The following CDC42BPG variants were observed in gnomAD, a reference collection of about 807,000 sequenced individuals.
The protein encoded by CDC42BPG is CDC42 binding protein kinase gamma.
Under a neutral mutation model 192.2 loss-of-function variants are expected in CDC42BPG, and 157 were observed. The ratio of observed to expected loss-of-function variants is 0.82; its 90% CI spans 0.72 to 0.93. The LOEUF (loss-of-function observed/expected upper bound fraction) is 0.93, where lower values mean the gene tolerates loss of function less well. Ranked by LOEUF, CDC42BPG falls within the 40% of genes least tolerant of loss-of-function variation. The pLI is 0.00. For synonymous variants in CDC42BPG, 981 were observed against 918.5 expected, an observed-to-expected ratio of 1.07 and a Z score of -1.23; for missense variants, 1,992 against 2,122.1, an observed-to-expected ratio of 0.94 and a Z score of 1.20.
chr11:64,838,459 C>T (rs180741075), intron 8 of CDC42BPG, among the ~76,000 whole-genome samples, 195 bp downstream of exon 8: 3 of 152,314 alleles, frequency 2.0e-5, no homozygotes, highest in Admixed American at 1.3e-4. Context: ...GATGCTCCCC[C>T]ACCCCAGTTT....
chr11:64,839,693 T>A, intron 5 of CDC42BPG, 122 bp from the exon 6 acceptor site: 1 of 748,378 alleles, frequency 1.3e-6, no homozygotes, highest in East Asian at 2.7e-5. Context: ...TTCCTGTGTG[T>A]AGGTGCTCAT....
rs773942573 is a variant in CDC42BPG, at chr11:64,832,639, C to T, written c.2970G>A (p.Pro990=). ...LFDAPDLRLS[P]PSGALLQVLD... ...GGACCTGCAGGAGGGCCCCACTGGGCGGGCTGAGCCTCAGGTCAGGGGCGT... is the reference window on the plus strand; with the variant it reads ...GGACCTGCAGGAGGGCCCCACTGGGTGGGCTGAGCCTCAGGTCAGGGGCGT... Residue 990 remains proline, a synonymous_variant, in exon 26 of 37, where the codon CCG becomes CCA. Coordinates refer to ENST00000342711, the MANE Select transcript of CDC42BPG (RefSeq NM_017525.3). 2.5e-5 allele frequency: 40 copies of T among 1,613,654 alleles called. No individual in the cohort carries two copies. Among genetic ancestry groups the T allele is most frequent in the African/African-American group, 4.0e-5 (3 of 74,896 alleles).
At chr11:64,824,620 C>CCAT in intron 36 of CDC42BPG, 91 bp from the exon 37 acceptor site, 1 of 799,130 alleles carries the variant, frequency 1.3e-6, no homozygotes, top group Non-Finnish European at 2.1e-6. Flanking sequence ...CCCTTAGGAC[C>CCAT]CATCACCCAC....
At chr11:64,828,531 T>C (rs1490368671) in intron 30 of CDC42BPG, among the ~76,000 whole-genome samples, 1 of 152,170 alleles carries the variant, frequency 6.6e-6, no homozygotes, top group Non-Finnish European at 1.5e-5. Flanking sequence ...ACGAAGGCAA[T>C]GGTGACCACA....
intron 20 of CDC42BPG, 38 bp from the exon 21 acceptor site, chr11:64,834,015 G>C: frequency 6.2e-7 from 1 of 1,613,770 alleles, no homozygotes; most frequent in Non-Finnish European, 8.5e-7. Context: ...TGGGGTCCCT[G>C]GCCTGAGGAA....
intron 12 of CDC42BPG, 36 bp downstream of exon 12, chr11:64,836,391 C>T: frequency 8.3e-7 from 1 of 1,206,282 alleles, no homozygotes; most frequent in Non-Finnish European, 1.2e-6. Context: ...CCTCACCCAC[C>T]TCACCCAGCC....
chr11:64,827,821 TC>T (rs1458192329), intron 30 of CDC42BPG, 38 bp from the exon 31 acceptor site: 2 of 1,538,426 alleles, frequency 1.3e-6, no homozygotes, highest in African/African-American at 2.7e-5. Flanking sequence ...TGTTTCCCCC[TC>T]TGTTCCACAG....
intron 9 of CDC42BPG, 37 bp downstream of exon 9, chr11:64,838,046 C>A (rs757732901): frequency 2.6e-6 from 4 of 1,536,336 alleles, no homozygotes; most frequent in Non-Finnish European, 3.5e-6. Context: ...TCAGGCAACC[C>A]CGAGCCTCCC....
chr11:64,837,021 T>C lies in CDC42BPG; in HGVS notation c.1206-2A>G. 1 of 1,611,728 alleles carries C rather than the reference T, an allele frequency of 6.2e-7. No homozygotes were observed. Among genetic ancestry groups the C allele is most frequent in the Non-Finnish European group, 8.5e-7 (1 of 1,178,308 alleles). ...TCAGAGCTGCTCTCAGGACTGTGAC[T>C]GTAGGGGGACAGGGGCCATGTTTGT... On this transcript the variant is annotated splice_acceptor_variant, in intron 9 of 36. Coordinates refer to ENST00000342711, the MANE Select transcript of CDC42BPG (RefSeq NM_017525.3). LOFTEE classifies it high-confidence loss of function.
rs574126610 is a variant in CDC42BPG at position 64,833,057 on chromosome 11, C to T, written c.2732-98G>A. 3.1e-4 allele frequency: 433 copies of T among 1,406,568 alleles called. 1 individual carries two copies. Among genetic ancestry groups the T allele is most frequent in the Non-Finnish European group, 3.0e-4 (310 of 1,049,358 alleles). 87.1% of individuals were successfully genotyped at this position (1,406,568 alleles called of 1,614,324 possible). On this transcript the variant is annotated intron_variant, in intron 24 of 36. Coordinates refer to ENST00000342711, the MANE Select transcript of CDC42BPG (RefSeq NM_017525.3). ...TCCAGAGCCAGCTTCCCTGAAGCCA[C>T]GGTGGCACCCGAACTGTCCCCAATT...
At position 64,835,747 on chromosome 11, in the gene CDC42BPG, G is replaced by T. The variant is rs1178691108; in HGVS notation, c.1758+15C>A. ...GTGGGGAAGCACCTCTTGCCAAGGG[G>T]GAGGACTTGACTACCTTGGCCTGGG... On this transcript the variant is annotated intron_variant, in intron 14 of 36. Transcript: ENST00000342711. The T allele has an allele frequency of 6.2e-7, 1 of 1,613,184 alleles. No homozygotes were observed. The highest frequency in any genetic ancestry group is 2.2e-5 in the East Asian group (1 of 44,884).
At chr11:64,833,874 T>TG (rs747478174) in intron 21 of CDC42BPG, 38 bp from the exon 22 acceptor site, 1 of 1,614,136 alleles carries the variant, frequency 6.2e-7, no homozygotes, top group Non-Finnish European at 8.5e-7. Flanking sequence ...TCAAGGTCCC[T>TG]GTGCCTCTCC....
At position 64,823,822 on chromosome 11, in the gene CDC42BPG, C is replaced by T. The variant is rs1942325394; in HGVS notation, c.*651G>A. 1 of 154,942 alleles carries T rather than the reference C, an allele frequency of 6.5e-6. No homozygotes were observed. Among genetic ancestry groups the T allele is most frequent in the Admixed American group, 6.3e-5 (1 of 15,822 alleles). The allele number at this position is 154,942 out of a possible 1,614,324, so 9.6% of individuals were successfully genotyped here. On this transcript the variant is annotated 3_prime_UTR_variant, in exon 37 of 37. Transcript: ENST00000342711. ...TCTCCAGACTCCCTCTCTCCTCCATCCCTCTTTTTGTCTCCCTCCTCTTCT... is the reference window on the plus strand; with the variant it reads ...TCTCCAGACTCCCTCTCTCCTCCATTCCTCTTTTTGTCTCCCTCCTCTTCT...
chr11:64,830,330 C>A, intron 28 of CDC42BPG, 74 bp from the exon 29 acceptor site: 1 of 1,217,382 alleles, frequency 8.2e-7, no homozygotes, highest in Non-Finnish European at 1.2e-6. Flanking sequence ...GTCCACCTGC[C>A]CTGCTGTGCC....
chr11:64,831,697 G>A lies in CDC42BPG; in HGVS notation c.3112C>T (p.Pro1038Ser). ...AGCAGCACAGTGCACGTGGTGGGCG[G>A]CACTGCCAGCTGGGAGGTTGTCACC... ...FRVTTSQLAV[P>S]PTTCTVLLLA... is the part of the protein sequence containing the mutation. The change falls in exon 28 of 37, where the codon CCG becomes TCG. Residue 1038 changes from proline to serine, a missense_variant. By Grantham distance (74) the Pro-to-Ser change is moderately conservative (BLOSUM62 -1). Coordinates refer to ENST00000342711, the MANE Select transcript of CDC42BPG (RefSeq NM_017525.3). 1.2e-6 allele frequency: 2 copies of A among 1,602,204 alleles called. No homozygotes were observed. Among genetic ancestry groups the A allele is most frequent in the Non-Finnish European group, 8.5e-7 (1 of 1,177,048 alleles).
At chr11:64,824,947 A>C (rs1321981054) in intron 36 of CDC42BPG, among the ~76,000 whole-genome samples, 30 of 141,440 alleles carry the variant, frequency 2.1e-4, no homozygotes, top group Non-Finnish European at 1.8e-4. Context: ...TTGGAGACAG[A>C]GTCTCGCTCT....
At chr11:64,837,847 C>T (rs567661081) in intron 9 of CDC42BPG, among the ~76,000 whole-genome samples, 12 of 152,332 alleles carry the variant, frequency 7.9e-5, no homozygotes, top group East Asian at 5.8e-4. Flanking sequence ...CTAGGTGCAG[C>T]GCACCCTCGA....
intron 9 of CDC42BPG, 81 bp from the exon 10 acceptor site, chr11:64,837,100 CATT>C: frequency 8.1e-7 from 1 of 1,233,186 alleles, no homozygotes; most frequent in South Asian, 1.2e-5. Flanking sequence ...CCGAATCACT[CATT>C]AATTGTGAAA....
intron 3 of CDC42BPG, among the ~76,000 whole-genome samples, 189 bp downstream of exon 3, chr11:64,841,461 A>AG (rs1354555170): frequency 6.6e-6 from 1 of 152,124 alleles, no homozygotes; most frequent in East Asian, 1.9e-4. Context: ...CAAAAAAAAA[A>AG]AAAAAATTTA....
Sources: gnomAD v4.1 joint callset for allele counts (sites outside exome capture counted in the v4.1 genomes callset) on GRCh38, gnomAD v4.1.1 for gene constraint, MANE v1.5 for transcripts, NCBI Gene and HGNC (gene_info 2026-07-23, HGNC 2026-07-21) for gene names.